Variants in PTPRM observed in about 807,000 individuals in gnomAD.
The protein encoded by PTPRM is protein tyrosine phosphatase receptor type M.
PTPRM carries 47 observed loss-of-function variants against 186.7 expected under a neutral mutation model. That is an observed-to-expected ratio of 0.25 (90% CI 0.20 to 0.32). PTPRM has a LOEUF of 0.32. Among genes scored for constraint, PTPRM ranks in the 10% least tolerant of loss-of-function variants. The pLI is 1.00. For missense variants in PTPRM, 1,494 were observed against 1,865.0 expected, an observed-to-expected ratio of 0.80 and a Z score of 3.66; for synonymous variants, 668 against 674.9, an observed-to-expected ratio of 0.99 and a Z score of 0.16.
At position 7,964,286 on chromosome 18, in the gene PTPRM, T is replaced by C. The variant is rs149796022; in HGVS notation, c.1132+8872T>C. Among the ~76,000 whole-genome samples the C allele has an allele frequency of 5.1e-3, 777 of 152,322 alleles. 1 individual carries two copies. Among genetic ancestry groups the C allele is most frequent in the Non-Finnish European group, 8.6e-3 (582 of 68,018 alleles). On this transcript the variant is annotated intron_variant, in intron 7 of 32. Transcript: ENST00000580170. ...ACTTTTGTGACTGCCTTTGTGAACA[T>C]TCAGAGGAAACAGTGTTCCCCTGGG...
chr18:7,885,957 A>G (rs2048762112), intron 2 of PTPRM, among the ~76,000 whole-genome samples: 1 of 152,208 alleles, frequency 6.6e-6, no homozygotes, highest in East Asian at 1.9e-4. Flanking sequence ...GGATGTGGGC[A>G]ACACTTATTT....
intron 2 of PTPRM, among the ~76,000 whole-genome samples, chr18:7,873,328 C>T (rs1210878610): frequency 6.6e-6 from 1 of 152,062 alleles, no homozygotes. Flanking sequence ...CATATGCCAC[C>T]AATATTTGGT....
At chr18:7,995,009 A>G (rs2083458986) in intron 7 of PTPRM, among the ~76,000 whole-genome samples, 1 of 152,088 alleles carries the variant, frequency 6.6e-6, no homozygotes, top group Non-Finnish European at 1.5e-5. Flanking sequence ...AATAGAGACT[A>G]AAAGAGATTA....
At chr18:7,686,050 A>C (rs1213643684) in intron 1 of PTPRM, among the ~76,000 whole-genome samples, 1 of 152,232 alleles carries the variant, frequency 6.6e-6, no homozygotes, top group Non-Finnish European at 1.5e-5. Flanking sequence ...TTTAGGGAGC[A>C]GGATCTACTA....
At chr18:7,725,596 G>T (rs2040531917) in intron 1 of PTPRM, among the ~76,000 whole-genome samples, 1 of 145,370 alleles carries the variant, frequency 6.9e-6, no homozygotes, top group South Asian at 2.1e-4. Context: ...TGCCAGCAGA[G>T]GGGAGAAGCA....
At chr18:8,241,661 C>T (rs1321179675) in intron 14 of PTPRM, among the ~76,000 whole-genome samples, 1 of 152,300 alleles carries the variant, frequency 6.6e-6, no homozygotes, top group East Asian at 1.9e-4. Flanking sequence ...CTCCACAACC[C>T]TTTATTGTCT....
chr18:7,913,123 A>G (rs1296648853), intron 4 of PTPRM, among the ~76,000 whole-genome samples: 1 of 75,746 alleles, frequency 1.3e-5, no homozygotes, highest in Non-Finnish European at 2.4e-5. Flanking sequence ...TTGTTTTCTT[A>G]ATTTTATTTT....
chr18:8,337,382 T>C (rs923568250), intron 22 of PTPRM, among the ~76,000 whole-genome samples: 2 of 152,158 alleles, frequency 1.3e-5, no homozygotes, highest in Non-Finnish European at 2.9e-5. Flanking sequence ...TCTTATCTTA[T>C]CTCTACCTCA....
chr18:7,928,378 AT>A (rs976952810), intron 5 of PTPRM, among the ~76,000 whole-genome samples: 1 of 151,988 alleles, frequency 6.6e-6, no homozygotes, highest in Non-Finnish European at 1.5e-5. Context: ...CCGTATTCAA[AT>A]TTTTTTTCTC....
In PTPRM at chr18:7,720,247, C is replaced by T. The variant is rs991593286; in HGVS notation, c.74-53902C>T. Among the ~76,000 whole-genome samples the T allele has an allele frequency of 3.3e-5, 5 of 152,118 alleles. No homozygotes were observed. The East Asian group carries it at 7.7e-4, about 23-fold the overall frequency. Reference sequence around the variant, plus strand: ...TTCTAATATCCACATATAAAATAAACGTACAAAAATAGGAAGACCTGACAG... The same window carrying T: ...TTCTAATATCCACATATAAAATAAATGTACAAAAATAGGAAGACCTGACAG... On this transcript the variant is annotated intron_variant, in intron 1 of 32. Coordinates refer to ENST00000580170, the MANE Select transcript of PTPRM (RefSeq NM_001105244.2).
intron 20 of PTPRM, among the ~76,000 whole-genome samples, chr18:8,308,510 T>G (rs1290229686): frequency 1.3e-5 from 2 of 152,238 alleles, no homozygotes; most frequent in African/African-American, 4.8e-5. Flanking sequence ...TATATTTTAT[T>G]AAATCTAATA....
At chr18:8,228,846 C>T (rs182253488) in intron 14 of PTPRM, among the ~76,000 whole-genome samples, 4 of 152,008 alleles carry the variant, frequency 2.6e-5, no homozygotes, top group East Asian at 1.9e-4. Flanking sequence ...AGCAAGACTC[C>T]GTCTCAAAAG....
Position 7,785,226 on chromosome 18 carries a change from G to T in PTPRM, c.196+10955G>T, listed in dbSNP as rs1025405178. ...GATTTCTGGCAAAGTGAGAAGAAAA[G>T]AAAATATTTAACTGAGTATGTGTAG... On this transcript the variant is annotated intron_variant, in intron 2 of 32. Transcript: ENST00000580170. Among the ~76,000 whole-genome samples, 20 of 152,248 alleles carry T rather than the reference G, an allele frequency of 1.3e-4. No individual in the cohort carries two copies. The East Asian group carries it at 2.5e-3, about 19-fold the overall frequency.
At chr18:7,846,876 T>C (rs2046623361) in intron 2 of PTPRM, among the ~76,000 whole-genome samples, 1 of 152,154 alleles carries the variant, frequency 6.6e-6, no homozygotes, top group Admixed American at 6.6e-5. Flanking sequence ...TTCAGTGTTC[T>C]TGCCCACCTT....
At chr18:8,232,950 T>G (rs1260473722) in intron 14 of PTPRM, among the ~76,000 whole-genome samples, 1 of 152,048 alleles carries the variant, frequency 6.6e-6, no homozygotes, top group East Asian at 1.9e-4. Context: ...AGTCGGCCAT[T>G]TGGTTCACAG....
rs1256166684 is a variant in PTPRM, at chr18:8,339,556, G to A, written c.2957-3867G>A. On this transcript the variant is annotated intron_variant, in intron 22 of 32. Transcript: ENST00000580170. ...TTGCTCTGAAAAATCTTGGGAGTTTGTTTGTTTGTCCACTCTGTGAGCAAT... is the reference window on the plus strand; with the variant it reads ...TTGCTCTGAAAAATCTTGGGAGTTTATTTGTTTGTCCACTCTGTGAGCAAT... Among the ~76,000 whole-genome samples, 4 of 152,270 alleles carry A rather than the reference G, an allele frequency of 2.6e-5. No individual in the cohort carries two copies. In the East Asian group the frequency reaches 5.8e-4, roughly 22 times the overall value.
chr18:8,191,826 A>C (rs2093713757), intron 14 of PTPRM, among the ~76,000 whole-genome samples: 1 of 152,164 alleles, frequency 6.6e-6, no homozygotes, highest in Non-Finnish European at 1.5e-5. Flanking sequence ...AATAGAATAT[A>C]TGAAACAAGC....
At chr18:8,390,864 C>T (rs1271018219) in intron 31 of PTPRM, among the ~76,000 whole-genome samples, 4 of 151,748 alleles carry the variant, frequency 2.6e-5, no homozygotes, top group African/African-American at 9.7e-5. Context: ...GGAGGCGGAG[C>T]TTGCAGTGAG....
intron 2 of PTPRM, among the ~76,000 whole-genome samples, chr18:7,813,570 G>T (rs747899365): frequency 6.6e-6 from 1 of 152,052 alleles, no homozygotes; most frequent in Admixed American, 6.6e-5. Flanking sequence ...TTGGAACTTC[G>T]TGGGCCTTCT....
Sources: allele counts gnomAD v4.1 joint callset (sites outside exome capture counted in the v4.1 genomes callset), GRCh38; gene constraint gnomAD v4.1.1; transcripts MANE v1.5; gene names NCBI Gene and HGNC (gene_info 2026-07-23, HGNC 2026-07-21).